Variants in RPS6KA2 observed in about 807,000 individuals in gnomAD.
RPS6KA2 encodes ribosomal protein S6 kinase alpha-2.
Under a neutral mutation model 91.8 loss-of-function variants are expected in RPS6KA2, and 42 were observed. The observed-to-expected ratio is 0.46, with a 90% CI of 0.36 to 0.59. RPS6KA2 has a LOEUF of 0.59. Ranked by LOEUF, RPS6KA2 falls within the 20% of genes least tolerant of loss-of-function variation. The pLI, the probability that RPS6KA2 is intolerant of heterozygous loss-of-function variation, is 0.00. For synonymous variants in RPS6KA2, 414 were observed against 393.6 expected (o/e 1.05, Z -0.61); for missense variants, 798 against 978.5 (o/e 0.82, Z 2.46).
intron 2 of RPS6KA2, among the ~76,000 whole-genome samples, chr6:166,649,204 C>T (rs749281500): frequency 3.3e-5 from 5 of 152,234 alleles, no homozygotes; most frequent in Non-Finnish European, 7.3e-5. Context: ...CTGCCCCTCG[C>T]GTTCCTGCCC....
chr6:166,714,787 T>A (rs888960255), intron 2 of RPS6KA2, among the ~76,000 whole-genome samples: 1 of 152,104 alleles, frequency 6.6e-6, no homozygotes, highest in African/African-American at 2.4e-5. Flanking sequence ...GAGAACAGAG[T>A]CCCTTGCTTG....
At chr6:166,425,168 C>T (rs1250536338) in intron 16 of RPS6KA2, among the ~76,000 whole-genome samples, 2 of 152,124 alleles carry the variant, frequency 1.3e-5, no homozygotes, top group African/African-American at 2.4e-5. Flanking sequence ...GTTAGTTTCC[C>T]ATAGACTTAG....
chr6:166,759,840 C>T (rs749310836), intron 2 of RPS6KA2, among the ~76,000 whole-genome samples: 11 of 152,210 alleles, frequency 7.2e-5, no homozygotes, highest in Non-Finnish European at 1.3e-4. Context: ...CCTCGCCCAG[C>T]GGTCAACGCA....
At chr6:166,523,559 T>A (rs1233849132) in intron 3 of RPS6KA2, among the ~76,000 whole-genome samples, 1 of 152,112 alleles carries the variant, frequency 6.6e-6, no homozygotes, top group African/African-American at 2.4e-5. Flanking sequence ...TAAATAAAGA[T>A]GATGATTTAT....
At chr6:166,504,706 C>G in intron 5 of RPS6KA2, 94 bp from the exon 6 acceptor site, 1 of 849,644 alleles carries the variant, frequency 1.2e-6, no homozygotes, top group Non-Finnish European at 1.9e-6. Context: ...GACTGAGAGT[C>G]CACACTGGGG....
At chr6:166,747,849 C>T (rs1791069911) in intron 2 of RPS6KA2, among the ~76,000 whole-genome samples, 1 of 152,212 alleles carries the variant, frequency 6.6e-6, no homozygotes, top group Non-Finnish European at 1.5e-5. Flanking sequence ...GACAGGATGG[C>T]ACAGGGGCCT....
intron 1 of RPS6KA2, among the ~76,000 whole-genome samples, chr6:166,598,412 A>G (rs1785616756): frequency 6.6e-6 from 1 of 152,264 alleles, no homozygotes; most frequent in African/African-American, 2.4e-5. Flanking sequence ...GATGAATTAA[A>G]TGGTTTGCAA....
chr6:166,658,070 T>A (rs148009883), intron 2 of RPS6KA2, among the ~76,000 whole-genome samples: 2 of 152,048 alleles, frequency 1.3e-5, no homozygotes, highest in African/African-American at 4.8e-5. Context: ...TTAGTAGAGA[T>A]GGTGTTTTTC....
At chr6:166,627,268 C>A, upstream of RPS6KA2, 5 of 1,003,586 alleles carry the variant, frequency 5.0e-6, no homozygotes, top group Non-Finnish European at 5.9e-6. Flanking sequence ...GCCGGCCACG[C>A]GCCACGCCTA....
chr6:166,411,250 A>AGAT lies in RPS6KA2; in HGVS notation c.*1509_*1511dup, dbSNP rs1386223587. ...TTTTTTTAGTTGGGTACGAGAATCG[A>AGAT]GATGGAGGGGGAACAAAACCCAACA... On this transcript the variant is annotated 3_prime_UTR_variant, in exon 21 of 21. Transcript: ENST00000265678. This position sits in a 1 kb window ranked among gnomAD's most constrained non-coding sequence, Gnocchi z 4.5. 6.6e-6 allele frequency: 1 copy of AGAT among 151,600 alleles called. No individual in the cohort carries two copies. The highest frequency in any genetic ancestry group is 2.4e-5 in the African/African-American group (1 of 41,212). 9.4% of individuals were successfully genotyped at this position (151,600 alleles called of 1,614,324 possible). A position where few individuals can be genotyped will look rare whatever the true frequency, so the allele number is the denominator to read the frequency against.
chr6:166,507,904 A>C, intron 5 of RPS6KA2, among the ~76,000 whole-genome samples: 1 of 128,116 alleles, frequency 7.8e-6, no homozygotes, highest in African/African-American at 3.1e-5. Context: ...ACGCACTCAA[A>C]CACATACACA....
At chr6:166,566,632 C>G (rs572061314) in intron 1 of RPS6KA2, among the ~76,000 whole-genome samples, 4 of 152,336 alleles carry the variant, frequency 2.6e-5, no homozygotes, top group African/African-American at 9.6e-5. Context: ...CTTGCACAGG[C>G]CCATGGGTCT....
Position 166,627,140 on chromosome 6 carries a change from T to TGGGCGCG in RPS6KA2, c.-128_-122dup, listed in dbSNP as rs1786917139. On this transcript the variant is annotated 5_prime_UTR_variant, in exon 1 of 21. Coordinates refer to ENST00000265678, the MANE Select transcript of RPS6KA2 (RefSeq NM_021135.6). ...GCCAGGGAGCCCGGCACGGCGGCCA[T>TGGGCGCG]GGGCGCGGGGCGTGGGGCGCGAGCT... The TGGGCGCG allele has an allele frequency of 8.8e-7, 1 of 1,136,544 alleles. No homozygotes were observed. The highest frequency in any genetic ancestry group is 1.1e-6 in the Non-Finnish European group (1 of 927,028). The allele number at this position is 1,136,544 out of a possible 1,614,324, so 70.4% of individuals were successfully genotyped here.
chr6:166,673,840 A>G (rs1214965571), intron 2 of RPS6KA2, among the ~76,000 whole-genome samples: 1 of 152,254 alleles, frequency 6.6e-6, no homozygotes, highest in Non-Finnish European at 1.5e-5. Flanking sequence ...AAGACATGCC[A>G]AAGCATCCAA....
chr6:166,703,758 A>G (rs1789600151), intron 2 of RPS6KA2, among the ~76,000 whole-genome samples: 1 of 152,256 alleles, frequency 6.6e-6, no homozygotes, highest in African/African-American at 2.4e-5. Flanking sequence ...CTGACTGACT[A>G]CAATTCAGAA....
intron 2 of RPS6KA2, among the ~76,000 whole-genome samples, chr6:166,684,444 A>C (rs1247687092): frequency 6.6e-6 from 1 of 152,220 alleles, no homozygotes; most frequent in Non-Finnish European, 1.5e-5. Flanking sequence ...GAGCAGTCAC[A>C]GAGCTGTAAC....
At position 166,488,936 on chromosome 6, in the gene RPS6KA2, CCTATTTTAGGAT is replaced by C; in HGVS notation, c.819-27_819-16del. ...CCAGCTTGGCTCTGAAAAACAAGAT[CCTATTTTAGGAT>C]CTATTTTAGGAGAACAAGGACAAGC... On this transcript the variant is annotated splice_polypyrimidine_tract_variant and intron_variant, in intron 9 of 20. Transcript: ENST00000265678. The C allele has an allele frequency of 2.5e-6, 4 of 1,605,630 alleles. No homozygotes were observed. Among genetic ancestry groups the C allele is most frequent in the South Asian group, 2.2e-5 (2 of 90,124 alleles).
In RPS6KA2 at chr6:166,677,911, T is replaced by C. The variant is rs74969396; in HGVS notation, c.124-139127A>G. Reference sequence around the variant, plus strand: ...CCACATGTGCTTGCATTTTTTATGATAAAACTCATCTTTTTTAAAGCAGGG... The same window carrying C: ...CCACATGTGCTTGCATTTTTTATGACAAAACTCATCTTTTTTAAAGCAGGG... On this transcript the variant is annotated intron_variant, in intron 2 of 21. Coordinates refer to the RPS6KA2 transcript ENST00000503859. Among the ~76,000 whole-genome samples, 1,173 of 152,304 alleles carry C rather than the reference T, an allele frequency of 7.7e-3. 22 individuals carry two copies. Among genetic ancestry groups the C allele is most frequent in the South Asian group, 0.072 (347 of 4,818 alleles).
At chr6:166,762,994 C>G (rs543733057) in intron 2 of RPS6KA2, among the ~76,000 whole-genome samples, 1 of 152,304 alleles carries the variant, frequency 6.6e-6, no homozygotes, top group South Asian at 2.1e-4. Context: ...CTCCTCAATG[C>G]GTGGATAGCA....
Sources: allele counts gnomAD v4.1 joint callset (sites outside exome capture counted in the v4.1 genomes callset), GRCh38; gene constraint gnomAD v4.1.1; non-coding constraint Gnocchi (gnomAD v3.1); transcripts MANE v1.5; gene names NCBI Gene and HGNC (gene_info 2026-07-23, HGNC 2026-07-21).